Variants in PPP2R2C observed in about 807,000 individuals in gnomAD.
PPP2R2C encodes the protein protein phosphatase 2, regulatory subunit B, gamma.
In PPP2R2C, 10 loss-of-function variants were observed where a neutral mutation model predicts 45.3. The observed-to-expected ratio is 0.22, with a 90% CI of 0.14 to 0.37. The LOEUF (loss-of-function observed/expected upper bound fraction) is 0.37, where lower values mean the gene tolerates loss of function less well. Ranked by LOEUF, PPP2R2C falls within the 10% of genes least tolerant of loss-of-function variation. The pLI is 1.00. For missense variants in PPP2R2C, 308 were observed against 619.7 expected (o/e 0.50, Z 5.34); for synonymous variants, 257 against 245.4 (o/e 1.05, Z -0.44).
chr4:6,356,710 G>T (rs899084527), intron 5 of PPP2R2C, among the ~76,000 whole-genome samples: 1 of 152,248 alleles, frequency 6.6e-6, no homozygotes, highest in African/African-American at 2.4e-5. Flanking sequence ...GAAGGTCTGC[G>T]GCCTGTTCTG....
At chr4:6,540,357 T>C (rs1222246189) in intron 1 of PPP2R2C, among the ~76,000 whole-genome samples, 1 of 152,244 alleles carries the variant, frequency 6.6e-6, no homozygotes, top group Non-Finnish European at 1.5e-5. Flanking sequence ...AACATGATCT[T>C]AACATGATGT....
chr4:6,381,726 A>C, intron 1 of PPP2R2C: 1 of 1,577,962 alleles, frequency 6.3e-7, no homozygotes. Context: ...CATCCCAACC[A>C]TGTTTCTTCA....
intron 1 of PPP2R2C, among the ~76,000 whole-genome samples, chr4:6,390,866 A>C (rs1716584085): frequency 6.6e-6 from 1 of 152,162 alleles, no homozygotes; most frequent in Non-Finnish European, 1.5e-5. Context: ...CTCTCGCTGA[A>C]GAACCCCCAC....
chr4:6,383,718 C>A (rs1041102692), intron 1 of PPP2R2C: 3 of 739,232 alleles, frequency 4.1e-6, no homozygotes, highest in Non-Finnish European at 5.3e-6. Flanking sequence ...AGGCTTTTAT[C>A]ATCTGTAGGC....
chr4:6,369,838 C>A (rs1315021649), intron 5 of PPP2R2C, among the ~76,000 whole-genome samples: 2 of 152,222 alleles, frequency 1.3e-5, no homozygotes, highest in Non-Finnish European at 2.9e-5. Context: ...CCCCCAGCAG[C>A]CCCTGAGCCC....
intron 3 of PPP2R2C, among the ~76,000 whole-genome samples, chr4:6,376,651 A>G (rs867222702): frequency 2.0e-5 from 3 of 152,106 alleles, no homozygotes; most frequent in Non-Finnish European, 4.4e-5. Flanking sequence ...ATAGAGTCTC[A>G]CCACGTTGCC....
intron 6 of PPP2R2C, among the ~76,000 whole-genome samples, chr4:6,343,916 A>G (rs776860108): frequency 7.9e-5 from 12 of 152,250 alleles, no homozygotes; most frequent in Non-Finnish European, 1.6e-4. Context: ...AACTTCACCT[A>G]TGACTGTGTG....
intron 5 of PPP2R2C, among the ~76,000 whole-genome samples, chr4:6,372,182 C>T (rs1366502221): frequency 1.3e-5 from 2 of 152,234 alleles, no homozygotes; most frequent in Non-Finnish European, 2.9e-5. Context: ...TCAGTGGACG[C>T]TGAGCAAGGC....
In PPP2R2C at chr4:6,359,243, G is replaced by A. The variant is rs530710320; in HGVS notation, c.626-11233C>T. Among the ~76,000 whole-genome samples the A allele has an allele frequency of 6.2e-4, 95 of 152,270 alleles. 2 individuals are homozygous for A. Among genetic ancestry groups the A allele is most frequent in the African/African-American group, 2.2e-3 (90 of 41,538 alleles). ...CATAATTCTGAGCAAACTATTCCAA[G>A]GACAGAAAATCAAACTCCACATGTT... On this transcript the variant is annotated intron_variant, in intron 5 of 8. Transcript: ENST00000382599.
intron 1 of PPP2R2C, among the ~76,000 whole-genome samples, chr4:6,559,020 C>G (rs1725496576): frequency 2.0e-5 from 3 of 152,244 alleles, no homozygotes; most frequent in Admixed American, 2.0e-4. Context: ...ACAGTGGCTC[C>G]CAGCTCTGTG....
rs978700657 is a variant in PPP2R2C, at chr4:6,544,438, G to A, written c.-58-9061C>T. ...GCTCACCGCAGCCCCAAACTCCTGG[G>A]CTCAAGTGATCCTCCCAACTCAGCC... is the stretch of plus-strand genomic sequence containing the variant. On this transcript the variant is annotated intron_variant, in intron 1 of 9. Transcript: ENST00000506140. Among the ~76,000 whole-genome samples the A allele has an allele frequency of 2.0e-5, 3 of 152,096 alleles. No homozygotes were observed. In the East Asian group the frequency reaches 5.8e-4, roughly 29 times the overall value.
chr4:6,453,736 A>G (rs1320318984), intron 1 of PPP2R2C, among the ~76,000 whole-genome samples: 1 of 152,230 alleles, frequency 6.6e-6, no homozygotes, highest in African/African-American at 2.4e-5. Flanking sequence ...TTAGCCAAGC[A>G]GAAAATTCAG....
At chr4:6,387,264 G>C (rs897002094) in intron 1 of PPP2R2C, among the ~76,000 whole-genome samples, 8 of 152,232 alleles carry the variant, frequency 5.3e-5, no homozygotes, top group African/African-American at 1.7e-4. Context: ...CTAACTCCAA[G>C]CAGGATAAGC....
At chr4:6,344,657 G>T (rs931679326) in intron 6 of PPP2R2C, among the ~76,000 whole-genome samples, 11 of 152,068 alleles carry the variant, frequency 7.2e-5, no homozygotes, top group Non-Finnish European at 1.6e-4. Flanking sequence ...AAAATACACA[G>T]AAAAATAAAA....
chr4:6,428,428 G>C lies in PPP2R2C; in HGVS notation c.70+43732C>G, dbSNP rs150822111. ...GCTGATTGCTGGTGACTGTGTCCTG[G>C]TCCACCAGCCTTTAGGCCTGGATAT... On this transcript the variant is annotated intron_variant, in intron 1 of 8. Transcript: ENST00000382599. 1.4e-3 allele frequency among the ~76,000 whole-genome samples: 214 copies of C among 152,312 alleles called. 1 individual carries two copies. In the Middle Eastern group the frequency reaches 0.031, roughly 22 times the overall value.
intron 1 of PPP2R2C, chr4:6,384,294 C>T (rs1038737909): frequency 1.0e-6 from 1 of 985,376 alleles, no homozygotes. Context: ...GTATAAAATG[C>T]TTGTAATGAT....
intron 6 of PPP2R2C, among the ~76,000 whole-genome samples, chr4:6,334,468 T>A (rs1434056059): frequency 6.6e-6 from 1 of 152,092 alleles, no homozygotes; most frequent in Non-Finnish European, 1.5e-5. Context: ...CCAGACAGTG[T>A]CCCCTCCCCA....
chr4:6,523,788 A>G (rs1239500497), intron 2 of PPP2R2C, among the ~76,000 whole-genome samples: 1 of 152,246 alleles, frequency 6.6e-6, no homozygotes, highest in Non-Finnish European at 1.5e-5. Flanking sequence ...AGCCTTATTC[A>G]TAATGGCCAA....
intron 1 of PPP2R2C, 95 bp from the exon 2 acceptor site, chr4:6,381,189 C>A: frequency 6.5e-7 from 1 of 1,546,694 alleles, no homozygotes. Flanking sequence ...GCTCCCCGCT[C>A]CCCGAGGCCC....
Sources: allele counts gnomAD v4.1 joint callset (sites outside exome capture counted in the v4.1 genomes callset), GRCh38; gene constraint gnomAD v4.1.1; transcripts MANE v1.5; gene names NCBI Gene and HGNC (gene_info 2026-07-23, HGNC 2026-07-21).